The following ADGRL3 variants were observed in gnomAD, a reference collection of about 807,000 sequenced individuals.
ADGRL3 encodes the protein calcium-independent alpha-latrotoxin receptor 3.
A neutral mutation model predicts 153.5 loss-of-function variants in ADGRL3; 62 were observed. That is an observed-to-expected ratio of 0.40 (90% CI 0.33 to 0.50). ADGRL3 has a LOEUF of 0.50. Among genes scored for constraint, ADGRL3 ranks in the 20% least tolerant of loss-of-function variants. ADGRL3 has a pLI of 0.47. For missense variants in ADGRL3, 1,641 were observed against 1,859.4 expected, an observed-to-expected ratio of 0.88 and a Z score of 2.16; for synonymous variants, 710 against 672.5, an observed-to-expected ratio of 1.06 and a Z score of -0.86.
intron 23 of ADGRL3, among the ~76,000 whole-genome samples, chr4:62,035,143 T>C (rs1484771518): frequency 6.6e-6 from 1 of 151,996 alleles, no homozygotes; most frequent in East Asian, 1.9e-4. Context: ...ATGCTTACCA[T>C]TTCAAATCAA....
chr4:61,945,868 A>G (rs891052741), intron 15 of ADGRL3, among the ~76,000 whole-genome samples: 7 of 152,054 alleles, frequency 4.6e-5, no homozygotes, highest in African/African-American at 1.7e-4. Context: ...CCGGTACCTC[A>G]GATGGAAATG....
At chr4:61,894,323 G>T (rs754245532) in intron 10 of ADGRL3, among the ~76,000 whole-genome samples, 2 of 152,098 alleles carry the variant, frequency 1.3e-5, no homozygotes, top group Non-Finnish European at 2.9e-5. Context: ...TATAGGAAAT[G>T]GTGGGTGGGA....
Position 61,392,684 on chromosome 4 carries a change from C to CAAAAAAAAAAAAAAAAAAAAAA in ADGRL3, c.-174+9496_-174+9517dup, listed in dbSNP as rs397993633. Among the ~76,000 whole-genome samples the CAAAAAAAAAAAAAAAAAAAAAA allele has an allele frequency of 5.2e-4, 7 of 13,378 alleles. 2 individuals carry two copies. The highest frequency in any genetic ancestry group is 8.7e-4 in the Non-Finnish European group (5 of 5,762). 8.8% of individuals were successfully genotyped at this position (13,378 alleles called of 152,430 possible). ...CTGGTGACAGAGCGAGACTCCATCT[C>CAAAAAAAAAAAAAAAAAAAAAA]AAAAAAAAAAAAAAAAAAAAAAGAA... is the stretch of plus-strand genomic sequence containing the variant. On this transcript the variant is annotated intron_variant, in intron 2 of 26. Transcript: ENST00000683033.
At chr4:61,527,491 T>C (rs547861939) in intron 4 of ADGRL3, among the ~76,000 whole-genome samples, 1 of 152,252 alleles carries the variant, frequency 6.6e-6, no homozygotes, top group East Asian at 1.9e-4. Flanking sequence ...TATACACATA[T>C]GTACATATCC....
At position 61,251,778 on chromosome 4, in the gene ADGRL3, A is replaced by AT. The variant is rs202202996; in HGVS notation, c.-240+50028dup. On this transcript the variant is annotated intron_variant, in intron 1 of 26. Transcript: ENST00000683033. ...GGATCTTCACACTCTCAACTCTAGGATTTTTTTTTTTTTTTCAGTTTAAAA... is the reference window on the plus strand; with the variant it reads ...GGATCTTCACACTCTCAACTCTAGGATTTTTTTTTTTTTTTTCAGTTTAAAA... 8.8e-3 allele frequency among the ~76,000 whole-genome samples: 1,190 copies of AT among 134,964 alleles called. 32 individuals carry two copies. The highest frequency in any genetic ancestry group is 0.046 in the Admixed American group (621 of 13,526). 88.5% of individuals were successfully genotyped at this position (134,964 alleles called of 152,430 possible).
At chr4:61,209,241 T>G (rs899066761) in intron 1 of ADGRL3, among the ~76,000 whole-genome samples, 1 of 152,146 alleles carries the variant, frequency 6.6e-6, no homozygotes, top group Non-Finnish European at 1.5e-5. Flanking sequence ...TTTTTAATTA[T>G]GAGCTTCTCA....
chr4:61,471,970 A>G (rs2097961586), intron 2 of ADGRL3, among the ~76,000 whole-genome samples: 2 of 152,062 alleles, frequency 1.3e-5, no homozygotes, highest in South Asian at 2.1e-4. Flanking sequence ...GCACAACACA[A>G]TACATTAAAT....
intron 1 of ADGRL3, among the ~76,000 whole-genome samples, chr4:61,364,969 C>T (rs1218506497): frequency 6.6e-6 from 1 of 152,018 alleles, no homozygotes; most frequent in Non-Finnish European, 1.5e-5. Context: ...TGTGACAAAC[C>T]TTAGCCTGAG....
intron 6 of ADGRL3, among the ~76,000 whole-genome samples, chr4:61,687,444 A>G (rs2095467143): frequency 6.6e-6 from 1 of 152,054 alleles, no homozygotes; most frequent in Non-Finnish European, 1.5e-5. Context: ...AGATGGAGGA[A>G]GGAGCCACTA....
intron 2 of ADGRL3, among the ~76,000 whole-genome samples, chr4:61,449,065 G>C (rs963238374): frequency 6.6e-6 from 1 of 151,810 alleles, no homozygotes; most frequent in Non-Finnish European, 1.5e-5. Flanking sequence ...GAAGACATTG[G>C]GGGACCTTTA....
At chr4:62,052,389 C>A (rs1734694806) in intron 25 of ADGRL3, among the ~76,000 whole-genome samples, 1 of 151,318 alleles carries the variant, frequency 6.6e-6, no homozygotes, top group Non-Finnish European at 1.5e-5. Context: ...CCTTCCTGTA[C>A]TATTCATTTG....
chr4:61,636,389 T>G (rs919469995), intron 5 of ADGRL3, among the ~76,000 whole-genome samples: 1 of 152,154 alleles, frequency 6.6e-6, no homozygotes, highest in Non-Finnish European at 1.5e-5. Flanking sequence ...TTATTTGAAA[T>G]GGTGTACAAC....
At position 61,294,566 on chromosome 4, in the gene ADGRL3, G is replaced by A. The variant is rs566901653; in HGVS notation, c.-239-88558G>A. 1.4e-4 allele frequency among the ~76,000 whole-genome samples: 21 copies of A among 152,118 alleles called. 1 individual carries two copies. In the East Asian group the frequency reaches 3.3e-3, roughly 24 times the overall value. ...TAACATATCTGAAATTGGATGCATC[G>A]TGGTAATTGATAGTGCATCAGTTTA... On this transcript the variant is annotated intron_variant, in intron 1 of 26. Transcript: ENST00000683033.
At position 61,554,097 on chromosome 4, in the gene ADGRL3, G is replaced by A. The variant is rs557174704; in HGVS notation, c.260-33130G>A. On this transcript the variant is annotated intron_variant, in intron 4 of 26. Transcript: ENST00000683033. ...GATATATACTGGAAATTAGGCTTGG[G>A]CCATTTTTTTTTTTTTTACATTTTA... Among the ~76,000 whole-genome samples, 31 of 95,654 alleles carry A rather than the reference G, an allele frequency of 3.2e-4. No individual in the cohort carries two copies. The South Asian group carries it at 8.9e-3, about 28-fold the overall frequency. 62.8% of individuals were successfully genotyped at this position (95,654 alleles called of 152,430 possible). A position where few individuals can be genotyped will look rare whatever the true frequency, so the allele number is the denominator to read the frequency against.
intron 2 of ADGRL3, among the ~76,000 whole-genome samples, chr4:61,460,956 G>C (rs2097805636): frequency 6.6e-6 from 1 of 152,128 alleles, no homozygotes; most frequent in Admixed American, 6.6e-5. Context: ...TGTAATCCCA[G>C]CTACTCGGGA....
chr4:61,936,793 C>CACACACACAT (rs908451063), intron 15 of ADGRL3, among the ~76,000 whole-genome samples: 1 of 151,270 alleles, frequency 6.6e-6, no homozygotes, highest in African/African-American at 2.4e-5. Flanking sequence ...CACACACACA[C>CACACACACAT]ACACACACAC....
chr4:61,242,871 T>C lies in ADGRL3; in HGVS notation c.-240+41106T>C, dbSNP rs1755564087. ...AACATTAAGGAATATATTAATTCTA[T>C]AGTTTATTTTAAACAATTATTGAAC... On this transcript the variant is annotated intron_variant, in intron 1 of 26. Transcript: ENST00000683033. Among the ~76,000 whole-genome samples the C allele has an allele frequency of 2.6e-5, 4 of 152,208 alleles. No homozygotes were observed. The South Asian group carries it at 8.3e-4, about 32-fold the overall frequency.
At chr4:61,687,918 A>G (rs938568411) in intron 6 of ADGRL3, among the ~76,000 whole-genome samples, 3 of 152,044 alleles carry the variant, frequency 2.0e-5, no homozygotes, top group Non-Finnish European at 2.9e-5. Flanking sequence ...CCAATATTTC[A>G]TGAAAACTTA....
intron 5 of ADGRL3, among the ~76,000 whole-genome samples, chr4:61,645,896 C>T (rs1160324124): frequency 6.6e-6 from 1 of 152,144 alleles, no homozygotes; most frequent in Non-Finnish European, 1.5e-5. Context: ...AACTTGGTTC[C>T]ATTCTCCCCA....
Sources: gnomAD v4.1 joint callset for allele counts (sites outside exome capture counted in the v4.1 genomes callset) on GRCh38, gnomAD v4.1.1 for gene constraint, MANE v1.5 for transcripts, NCBI Gene and HGNC (gene_info 2026-07-23, HGNC 2026-07-21) for gene names.